NTM: variants seen among roughly 807,000 people sequenced by gnomAD.
NTM encodes IgLON family member 2.
A neutral mutation model predicts 42.1 loss-of-function variants in NTM; 13 were observed. That is an observed-to-expected ratio of 0.31 (90% CI 0.20 to 0.49). The LOEUF (loss-of-function observed/expected upper bound fraction) is 0.49. NTM is among the 20% of genes least tolerant of loss of function. The pLI, the probability that NTM is intolerant of heterozygous loss-of-function variation, is 0.99. For missense variants in NTM, 373 were observed against 452.8 expected (o/e 0.82, Z 1.60); for synonymous variants, 187 against 179.2 (o/e 1.04, Z -0.35).
chr11:131,583,634 G>T (rs2058608713), intron 1 of NTM, among the ~76,000 whole-genome samples: 2 of 152,090 alleles, frequency 1.3e-5, no homozygotes, highest in South Asian at 2.1e-4. Flanking sequence ...TATCCTAGGA[G>T]GTGCGGATTA....
intron 3 of NTM, among the ~76,000 whole-genome samples, chr11:132,186,388 A>C (rs1306846971): frequency 6.6e-6 from 1 of 152,114 alleles, no homozygotes; most frequent in African/African-American, 2.4e-5. Context: ...CAGCAGCCCA[A>C]ATCTCCTTGG....
At chr11:132,014,384 C>CT (rs1343873147) in intron 2 of NTM, among the ~76,000 whole-genome samples, 1 of 151,934 alleles carries the variant, frequency 6.6e-6, no homozygotes, top group East Asian at 1.9e-4. Context: ...GATAAACTGG[C>CT]TTTTTCTCCT....
At chr11:131,711,828 G>A (rs1344148877) in intron 1 of NTM, among the ~76,000 whole-genome samples, 1 of 151,924 alleles carries the variant, frequency 6.6e-6, no homozygotes, top group East Asian at 1.9e-4. Flanking sequence ...CATGTCCTTT[G>A]TAGGGACATG....
intron 1 of NTM, among the ~76,000 whole-genome samples, chr11:131,895,082 T>C (rs913254876): frequency 6.6e-6 from 1 of 152,172 alleles, no homozygotes; most frequent in African/African-American, 2.4e-5. Context: ...GCTGAGAACA[T>C]ATCTTAAAAA....
At chr11:131,743,623 G>A (rs1245258974) in intron 1 of NTM, among the ~76,000 whole-genome samples, 1 of 152,190 alleles carries the variant, frequency 6.6e-6, no homozygotes, top group Non-Finnish European at 1.5e-5. Context: ...ATCAGGCAGA[G>A]TTATGACTTA....
At chr11:132,317,810 C>G (rs1269575642) in intron 7 of NTM, 2 of 485,480 alleles carry the variant, frequency 4.1e-6, no homozygotes, top group Non-Finnish European at 7.3e-6. Flanking sequence ...ATGTGGAAGG[C>G]TATTGAAGGA....
At chr11:132,070,835 G>A in intron 2 of NTM, among the ~76,000 whole-genome samples, 1 of 141,016 alleles carries the variant, frequency 7.1e-6, no homozygotes, top group South Asian at 2.5e-4. Context: ...ACACAGCCAA[G>A]TTAACACGTC....
intron 2 of NTM, among the ~76,000 whole-genome samples, chr11:132,019,316 G>A (rs1565958816): frequency 6.6e-6 from 1 of 151,854 alleles, no homozygotes; most frequent in Non-Finnish European, 1.5e-5. Flanking sequence ...CTTAAGCACC[G>A]ATTTAACTGC....
chr11:132,068,915 T>A (rs1449866169), intron 2 of NTM, among the ~76,000 whole-genome samples: 3 of 152,248 alleles, frequency 2.0e-5, no homozygotes, highest in African/African-American at 7.2e-5. Context: ...TTATCCAGGA[T>A]CATCTCTTTT....
At chr11:132,062,317 A>G (rs2080813053) in intron 2 of NTM, among the ~76,000 whole-genome samples, 1 of 152,204 alleles carries the variant, frequency 6.6e-6, no homozygotes, top group Non-Finnish European at 1.5e-5. Context: ...AGCCAGAGCC[A>G]AGAATAGATT....
chr11:131,860,375 T>G (rs1215043153), intron 1 of NTM, among the ~76,000 whole-genome samples: 1 of 152,160 alleles, frequency 6.6e-6, no homozygotes, highest in African/African-American at 2.4e-5. Flanking sequence ...TGAGACTTTC[T>G]TATGCTCTTT....
chr11:131,765,793 C>G (rs1036617954), intron 1 of NTM, among the ~76,000 whole-genome samples: 1 of 152,198 alleles, frequency 6.6e-6, no homozygotes, highest in African/African-American at 2.4e-5. Flanking sequence ...AAGAATTAAT[C>G]TAAGTAGAGC....
chr11:131,438,893 G>T (rs1372408785), intron 1 of NTM, among the ~76,000 whole-genome samples: 5 of 152,204 alleles, frequency 3.3e-5, no homozygotes, highest in African/African-American at 9.6e-5. Flanking sequence ...TAGCTTTTCT[G>T]CTCTGGTTTC....
chr11:131,959,086 C>T (rs954142895), intron 2 of NTM, among the ~76,000 whole-genome samples: 1 of 152,086 alleles, frequency 6.6e-6, no homozygotes, highest in Admixed American at 6.5e-5. Context: ...TTTTTGTTCC[C>T]CAGGTCTCAA....
Position 132,227,226 on chromosome 11 carries a change from A to G in NTM, c.526+15079A>G, listed in dbSNP as rs531389116. ...AAATCTCAAAACCAGTTCAAGGAGAATGTTTCATAAAGAGCAGGTGTGATT... is the reference window on the plus strand; with the variant it reads ...AAATCTCAAAACCAGTTCAAGGAGAGTGTTTCATAAAGAGCAGGTGTGATT... On this transcript the variant is annotated intron_variant, in intron 4 of 8. Transcript: ENST00000683400. Among the ~76,000 whole-genome samples the G allele has an allele frequency of 1.2e-3, 187 of 152,330 alleles. 2 individuals are homozygous for G. Among genetic ancestry groups the G allele is most frequent in the African/African-American group, 4.2e-3 (173 of 41,580 alleles).
chr11:132,099,452 C>T (rs1348536529), intron 2 of NTM, among the ~76,000 whole-genome samples: 1 of 151,978 alleles, frequency 6.6e-6, no homozygotes, highest in Non-Finnish European at 1.5e-5. Context: ...AAAATCATTC[C>T]ATTGATTTCA....
intron 1 of NTM, among the ~76,000 whole-genome samples, chr11:131,869,102 C>A (rs912918679): frequency 2.0e-5 from 3 of 151,634 alleles, no homozygotes; most frequent in Non-Finnish European, 4.4e-5. Flanking sequence ...CCCAGCCCCC[C>A]GCAATGTGCC....
At chr11:132,275,144 C>T (rs2093656667) in intron 4 of NTM, among the ~76,000 whole-genome samples, 1 of 152,062 alleles carries the variant, frequency 6.6e-6, no homozygotes, top group Non-Finnish European at 1.5e-5. Flanking sequence ...GTTCTACGTT[C>T]TCTTCAAGAT....
intron 1 of NTM, among the ~76,000 whole-genome samples, chr11:131,788,275 TA>T (rs1314430174): frequency 1.3e-5 from 2 of 152,012 alleles, no homozygotes; most frequent in East Asian, 3.9e-4. Flanking sequence ...TATGCCAACT[TA>T]AAAAAATTTA....
Sources: gnomAD v4.1 joint callset for allele counts (sites outside exome capture counted in the v4.1 genomes callset) on GRCh38, gnomAD v4.1.1 for gene constraint, MANE v1.5 for transcripts, NCBI Gene and HGNC (gene_info 2026-07-23, HGNC 2026-07-21) for gene names.